Variants in NXPH1 observed in about 807,000 individuals in gnomAD.
NXPH1 encodes the protein neurexophilin 1, also known as neurexophilin-1.
Under a neutral mutation model 23.7 loss-of-function variants are expected in NXPH1, and 5 were observed. That is an observed-to-expected ratio of 0.21 (90% CI 0.11 to 0.44). NXPH1 has a LOEUF of 0.44. Ranked by LOEUF, NXPH1 falls within the 20% of genes least tolerant of loss-of-function variation. NXPH1 has a pLI of 0.99. For missense variants in NXPH1, 324 were observed against 321.6 expected (o/e 1.01, Z -0.06); for synonymous variants, 144 against 122.2 (o/e 1.18, Z -1.18).
At chr7:8,732,155 C>T (rs1780167971) in intron 2 of NXPH1, among the ~76,000 whole-genome samples, 1 of 152,256 alleles carries the variant, frequency 6.6e-6, no homozygotes, top group African/African-American at 2.4e-5. Context: ...AACTCCCTGA[C>T]CCCTTGCGCT....
At chr7:8,474,895 G>T (rs142390480) in intron 2 of NXPH1, among the ~76,000 whole-genome samples, 1 of 152,150 alleles carries the variant, frequency 6.6e-6, no homozygotes, top group African/African-American at 2.4e-5. Context: ...GGCCATGCTG[G>T]TTGGTTCTTC....
At chr7:8,436,764 G>A (rs1434150056) in intron 2 of NXPH1, among the ~76,000 whole-genome samples, 1 of 152,152 alleles carries the variant, frequency 6.6e-6, no homozygotes, top group Non-Finnish European at 1.5e-5. Flanking sequence ...GGTGAGGTGC[G>A]CTAAAGCAGC....
chr7:8,542,035 T>C (rs930621489), intron 2 of NXPH1, among the ~76,000 whole-genome samples: 13 of 151,532 alleles, frequency 8.6e-5, no homozygotes, highest in Non-Finnish European at 1.9e-4. Context: ...ATAGCCTAAA[T>C]ATTTTAATGA....
intron 2 of NXPH1, among the ~76,000 whole-genome samples, chr7:8,520,461 C>A (rs1817751592): frequency 6.6e-6 from 1 of 152,076 alleles, no homozygotes; most frequent in Non-Finnish European, 1.5e-5. Flanking sequence ...GTCATAAAAC[C>A]CCAGGTAAAT....
At chr7:8,720,095 T>C (rs1779946842) in intron 2 of NXPH1, among the ~76,000 whole-genome samples, 1 of 137,806 alleles carries the variant, frequency 7.3e-6, no homozygotes, top group Non-Finnish European at 1.6e-5. Flanking sequence ...AGAATGATGA[T>C]TGAGGTTACA....
intron 2 of NXPH1, among the ~76,000 whole-genome samples, chr7:8,606,841 T>C (rs1583188244): frequency 6.6e-6 from 1 of 152,106 alleles, no homozygotes; most frequent in East Asian, 1.9e-4. Flanking sequence ...AAAAACAGAA[T>C]TGGTAGGAAG....
chr7:8,583,148 C>T (rs988044383), intron 2 of NXPH1, among the ~76,000 whole-genome samples: 1 of 152,188 alleles, frequency 6.6e-6, no homozygotes, highest in African/African-American at 2.4e-5. Flanking sequence ...TGCTTTCTTG[C>T]CCACAAGGAT....
At chr7:8,680,799 A>G (rs1821037798) in intron 2 of NXPH1, among the ~76,000 whole-genome samples, 1 of 152,270 alleles carries the variant, frequency 6.6e-6, no homozygotes, top group Non-Finnish European at 1.5e-5. Flanking sequence ...CCCATCAAGG[A>G]TACCTGTGAT....
intron 2 of NXPH1, among the ~76,000 whole-genome samples, chr7:8,666,661 C>G (rs1206466378): frequency 6.6e-6 from 1 of 152,012 alleles, no homozygotes; most frequent in African/African-American, 2.4e-5. Flanking sequence ...CAAGTCCTGG[C>G]TTATCTTTGC....
intron 2 of NXPH1, among the ~76,000 whole-genome samples, chr7:8,743,731 T>TGGAGTG (rs1780409713): frequency 6.6e-6 from 1 of 151,070 alleles, no homozygotes; most frequent in Non-Finnish European, 1.5e-5. Context: ...TGGCCCAGGC[T>TGGAGTG]GGAGTGCAGT....
intron 2 of NXPH1, among the ~76,000 whole-genome samples, chr7:8,440,580 G>A (rs1344025892): frequency 6.6e-6 from 1 of 152,128 alleles, no homozygotes; most frequent in Admixed American, 6.5e-5. Flanking sequence ...TAGGTGCCCA[G>A]TGTCCTATTT....
intron 2 of NXPH1, among the ~76,000 whole-genome samples, chr7:8,652,094 T>C (rs79874416): frequency 0.049 from 7,461 of 152,218 alleles, 340 homozygotes; most frequent in East Asian, 0.17. Context: ...GAAGGACTTA[T>C]TCACTTTCTG....
intron 2 of NXPH1, among the ~76,000 whole-genome samples, chr7:8,478,063 G>A (rs150377483): frequency 1.7e-3 from 257 of 152,204 alleles, no homozygotes; most frequent in African/African-American, 5.8e-3. Flanking sequence ...ATAAAAAGAT[G>A]AATGCATGAT....
chr7:8,564,036 A>T (rs1168089841), intron 2 of NXPH1, among the ~76,000 whole-genome samples: 3 of 151,810 alleles, frequency 2.0e-5, no homozygotes, highest in Non-Finnish European at 4.4e-5. Context: ...TCTCAGTTCC[A>T]TTGCATAAAA....
chr7:8,646,500 T>C (rs1308504793), intron 2 of NXPH1, among the ~76,000 whole-genome samples: 27 of 152,170 alleles, frequency 1.8e-4, no homozygotes, highest in Admixed American at 1.8e-3. Flanking sequence ...CAGTAAACTT[T>C]AGAAGAGAAT....
At position 8,468,189 on chromosome 7, in the gene NXPH1, A is replaced by T. The variant is rs144589383; in HGVS notation, c.54+32422A>T. ...GCTTCCAGAATGTAGCATATGAGATATTCTATAAAGATAAATCTAGAACTT... is the reference window on the plus strand; with the variant it reads ...GCTTCCAGAATGTAGCATATGAGATTTTCTATAAAGATAAATCTAGAACTT... On this transcript the variant is annotated intron_variant, in intron 2 of 2. Coordinates refer to ENST00000405863, the MANE Select transcript of NXPH1 (RefSeq NM_152745.3). Among the ~76,000 whole-genome samples the T allele has an allele frequency of 4.3e-4, 66 of 152,276 alleles. No homozygotes were observed. In the East Asian group the frequency reaches 0.012, roughly 27 times the overall value.
At chr7:8,614,623 T>A (rs1819695977) in intron 2 of NXPH1, among the ~76,000 whole-genome samples, 1 of 151,992 alleles carries the variant, frequency 6.6e-6, no homozygotes, top group Admixed American at 6.6e-5. Context: ...TAGGTATGTA[T>A]ATGTCTATAG....
At chr7:8,714,440 G>T (rs1334707774) in intron 2 of NXPH1, among the ~76,000 whole-genome samples, 1 of 151,948 alleles carries the variant, frequency 6.6e-6, no homozygotes, top group African/African-American at 2.4e-5. Context: ...CCCCACTGTG[G>T]CTGAGTTGGT....
chr7:8,734,713 C>T (rs529644775), intron 2 of NXPH1, among the ~76,000 whole-genome samples: 2 of 152,156 alleles, frequency 1.3e-5, no homozygotes, highest in African/African-American at 2.4e-5. Context: ...TAGGTCCTCT[C>T]GGTCCAGAGC....
Sources: allele counts gnomAD v4.1 joint callset (sites outside exome capture counted in the v4.1 genomes callset), GRCh38; gene constraint gnomAD v4.1.1; transcripts MANE v1.5; gene names NCBI Gene and HGNC (gene_info 2026-07-23, HGNC 2026-07-21).